The following ROS1 variants were observed in gnomAD, a reference collection of about 807,000 sequenced individuals.
ROS1 encodes proto-oncogene tyrosine-protein kinase ROS.
In ROS1, 263 loss-of-function variants were observed where a neutral mutation model predicts 273.5. The ratio of observed to expected loss-of-function variants is 0.96; its 90% CI spans 0.87 to 1.06. ROS1 has a LOEUF of 1.06. Ranked by LOEUF, ROS1 falls within the 50% of genes least tolerant of loss-of-function variation. The probability of loss-of-function intolerance (pLI) is 0.00; values close to 1 mark genes in which losing one functional copy is unlikely to be tolerated. For synonymous variants in ROS1, 1,008 were observed against 954.1 expected, an observed-to-expected ratio of 1.06 and a Z score of -1.04; for missense variants, 2,833 against 2,751.1, an observed-to-expected ratio of 1.03 and a Z score of -0.67.
intron 12 of ROS1, among the ~76,000 whole-genome samples, chr6:117,391,951 C>T (rs916731486): frequency 2.0e-5 from 3 of 152,124 alleles, no homozygotes; most frequent in African/African-American, 7.2e-5. Context: ...TTATCATTAT[C>T]ATTTCTAGTC....
chr6:117,399,199 G>T (rs1773751696), intron 7 of ROS1, among the ~76,000 whole-genome samples: 2 of 152,188 alleles, frequency 1.3e-5, no homozygotes, highest in Non-Finnish European at 2.9e-5. Context: ...GAAAGGCCCA[G>T]AAATGAACAG....
In ROS1 at chr6:117,329,413, A is replaced by T. The variant is rs777368850; in HGVS notation, c.5264T>A (p.Leu1755Ter). 1 of 1,599,928 alleles carries T rather than the reference A, an allele frequency of 6.3e-7. No individual in the cohort carries two copies. Among genetic ancestry groups the T allele is most frequent in the Non-Finnish European group, 8.6e-7 (1 of 1,168,084 alleles). The change falls in exon 33 of 44, where the codon TTA becomes TAA. Residue 1755 changes from leucine (L) to a stop codon, truncating the protein, a stop_gained. Transcript: ENST00000368507. LOFTEE classifies it high-confidence loss of function. The stretch of plus-strand genomic sequence containing the variant: ...TATTGAATTTTTACTCCCTTCTAGT[A>T]ATTTGGGAATGCCTGGTTTATTTGG... ...GVPNKPGIPKLLEGSKNSIQW... is the reference protein window; with the variant it reads ...GVPNKPGIPK
chr6:117,290,727 T>A (rs943182288), intron 43 of ROS1, among the ~76,000 whole-genome samples: 4 of 152,168 alleles, frequency 2.6e-5, no homozygotes, highest in East Asian at 1.9e-4. Context: ...TGCCCAGATA[T>A]GTTACTAATC....
intron 27 of ROS1, among the ~76,000 whole-genome samples, chr6:117,346,170 C>T (rs964371772): frequency 6.6e-6 from 1 of 152,010 alleles, no homozygotes; most frequent in Non-Finnish European, 1.5e-5. Flanking sequence ...GTAATTTTGT[C>T]GTTCTTTTAT....
In ROS1 at chr6:117,360,346, T is replaced by C. The variant is rs1028287119; in HGVS notation, c.3426A>G (p.Thr1142=). Residue 1142 remains threonine (T), a synonymous_variant, in exon 23 of 44, where the codon ACA becomes ACG. Coordinates refer to ENST00000368507, the MANE Select transcript of ROS1 (RefSeq NM_001378902.1). ...CAGATTTTAGAAAACAAATACCTGATGTTGTAGACTTTACAACGTCAGCAT... is the reference window on the plus strand; with the variant it reads ...CAGATTTTAGAAAACAAATACCTGACGTTGTAGACTTTACAACGTCAGCAT... The part of the protein sequence containing the change: ...GPYADVVKST[T]SEINPFPHLI... The C allele has an allele frequency of 1.7e-5, 27 of 1,611,848 alleles. No homozygotes were observed. The highest frequency in any genetic ancestry group is 1.7e-4 in the Middle Eastern group (1 of 6,056).
chr6:117,404,445 A>G lies in ROS1; in HGVS notation c.317-17T>C. ...CTGCATTTTCTGGGGAAAAAACAAG[A>G]TTTCACTCACCACGCACTCCTGTCC... On this transcript the variant is annotated splice_polypyrimidine_tract_variant and intron_variant, in intron 5 of 43. Transcript: ENST00000368507. 1 of 1,611,964 alleles carries G rather than the reference A, an allele frequency of 6.2e-7. No individual in the cohort carries two copies. The highest frequency in any genetic ancestry group is 8.5e-7 in the Non-Finnish European group (1 of 1,178,764).
rs1185209823 is a variant in ROS1 at position 117,385,672 on chromosome 6, C to G, written c.2289+11G>C. The stretch of plus-strand genomic sequence containing the variant: ...ATTCTAGAGCATCCAGAATGCCATG[C>G]TTTAACTCACCACATATGTCTTTCC... On this transcript the variant is annotated intron_variant, in intron 16 of 43. Coordinates refer to ENST00000368507, the MANE Select transcript of ROS1 (RefSeq NM_001378902.1). 2.2e-5 allele frequency: 35 copies of G among 1,613,380 alleles called. No individual in the cohort carries two copies. The highest frequency in any genetic ancestry group is 3.0e-5 in the Non-Finnish European group (35 of 1,179,760).
intron 34 of ROS1, among the ~76,000 whole-genome samples, chr6:117,326,013 A>G (rs1265829242): frequency 1.3e-5 from 2 of 150,420 alleles, no homozygotes; most frequent in Non-Finnish European, 3.0e-5. Flanking sequence ...ATTGGGGAGA[A>G]AAATGACATG....
chr6:117,394,386 C>A (rs1193959194), intron 10 of ROS1, 40 bp from the exon 11 acceptor site: 2 of 1,396,232 alleles, frequency 1.4e-6, no homozygotes, highest in Admixed American at 2.7e-5. Flanking sequence ...TATTATATAA[C>A]AACCAGGACA....
rs940900331 is a variant in ROS1 at position 117,416,004 on chromosome 6, C to T, written c.228+254G>A. On this transcript the variant is annotated intron_variant, in intron 3 of 43. Transcript: ENST00000368507. ...CTAAAAAACATTTATAGTTTTGGAG[C>T]GATTGAACATCCCTGGGTTCTGTTA... Among the ~76,000 whole-genome samples, 11 of 152,144 alleles carry T rather than the reference C, an allele frequency of 7.2e-5. No individual in the cohort carries two copies. In the East Asian group the frequency reaches 2.1e-3, roughly 29 times the overall value.
intron 18 of ROS1, among the ~76,000 whole-genome samples, chr6:117,372,275 G>C (rs1174596331): frequency 6.6e-6 from 1 of 152,006 alleles, no homozygotes; most frequent in Non-Finnish European, 1.5e-5. Flanking sequence ...AGAAAGAAAG[G>C]GCATCCAAAT....
At chr6:117,366,876 A>T (rs1165939635) in intron 18 of ROS1, among the ~76,000 whole-genome samples, 3 of 152,172 alleles carry the variant, frequency 2.0e-5, no homozygotes, top group Non-Finnish European at 4.4e-5. Context: ...GCAGCTTTTT[A>T]AAAAATGCTT....
At chr6:117,360,051 A>C in intron 23 of ROS1, 40 bp from the exon 24 acceptor site, 1 of 1,531,962 alleles carries the variant, frequency 6.5e-7, no homozygotes, top group Non-Finnish European at 9.0e-7. Flanking sequence ...GCATGAGAAA[A>C]CTGACTTTAG....
chr6:117,420,825 A>C (rs973572990), intron 1 of ROS1, among the ~76,000 whole-genome samples: 3 of 151,952 alleles, frequency 2.0e-5, no homozygotes, highest in African/African-American at 7.2e-5. Flanking sequence ...GAAATGTATT[A>C]GTAGTATTAT....
rs1259623192 is a variant in ROS1 at position 117,310,158 on chromosome 6, C to T, written c.6339G>A (p.Gly2113=). 7 of 1,613,472 alleles carry T rather than the reference C, an allele frequency of 4.3e-6. No homozygotes were observed. The highest frequency in any genetic ancestry group is 4.5e-5 in the East Asian group (2 of 44,844). ...TCCACCGAACTGGGAGCAGGCCTTC[C>T]CCTCTCTTTCTATAGTAATCATTTT... ...IYKNDYYRKR[G]EGLLPVRWMA... is the part of the protein sequence containing the mutation. The change falls in exon 41 of 44, where the codon GGG becomes GGA. Residue 2113 remains glycine (G), a synonymous_variant. Coordinates refer to ENST00000368507, the MANE Select transcript of ROS1 (RefSeq NM_001378902.1).
In ROS1 at chr6:117,394,724, G is replaced by C. The variant is rs189516374; in HGVS notation, c.898C>G (p.Gln300Glu). 2.5e-6 allele frequency: 4 copies of C among 1,609,236 alleles called. No homozygotes were observed. In the Admixed American group the frequency reaches 6.8e-5, roughly 27 times the overall value. Residue 300 changes from glutamine (Q) to glutamate (E), a missense_variant, in exon 10 of 44, where the codon CAG becomes GAG. Physicochemically the swap from Gln to Glu is conservative, Grantham distance 29. Transcript: ENST00000368507. ...GTTTTTCTGGATAAAAAGAGCCACT[G>C]TTCCTCTTGTTGAACTGAAAAAAAC... ...TSSSAVQQEEQWLFLSRKTSL... is the reference protein window; with the variant it reads ...TSSSAVQQEEEWLFLSRKTSL...
At chr6:117,403,418 TTCAGATA>T in intron 6 of ROS1, 141 bp from the exon 7 acceptor site, 1 of 821,656 alleles carries the variant, frequency 1.2e-6, no homozygotes, top group East Asian at 2.9e-5. Context: ...AGCTAAGCCA[TTCAGATA>T]TCAGCGTGCA....
chr6:117,370,773 A>C (rs1780701644), intron 18 of ROS1, among the ~76,000 whole-genome samples: 1 of 152,202 alleles, frequency 6.6e-6, no homozygotes, highest in Non-Finnish European at 1.5e-5. Context: ...AAATAGACAT[A>C]CTTAAAATGT....
At chr6:117,319,782 A>C (rs1233450146) in intron 37 of ROS1, 86 bp downstream of exon 37, 1 of 1,214,610 alleles carries the variant, frequency 8.2e-7, no homozygotes, top group African/African-American at 1.5e-5. Flanking sequence ...AACAAAGAGC[A>C]CTCAACTTTT....
Sources: gnomAD v4.1 joint callset for allele counts (sites outside exome capture counted in the v4.1 genomes callset) on GRCh38, gnomAD v4.1.1 for gene constraint, MANE v1.5 for transcripts, NCBI Gene and HGNC (gene_info 2026-07-23, HGNC 2026-07-21) for gene names.